Variants in C2CD3 observed in about 807,000 individuals in gnomAD.
C2CD3 encodes C2 domain containing 3 centriole elongation regulator, also known as C2 domain-containing protein 3.
A neutral mutation model predicts 234.0 loss-of-function variants in C2CD3; 148 were observed. That is an observed-to-expected ratio of 0.63 (90% CI 0.55 to 0.72). The LOEUF is 0.72. Among genes scored for constraint, C2CD3 ranks in the 30% least tolerant of loss-of-function variants. C2CD3 has a pLI of 0.00. For missense variants in C2CD3, 2,577 were observed against 2,811.5 expected (o/e 0.92, Z 1.89); for synonymous variants, 1,000 against 1,035.4 (o/e 0.97, Z 0.66).
In C2CD3 at chr11:74,098,510, A is replaced by G. The variant is rs959079901; in HGVS notation, c.2733-255T>C. ...TCTGTAGCATTATGGACCCAAGTCCAGTGTCTGTGATTTGAACAGTATCTC... is the reference window on the plus strand; with the variant it reads ...TCTGTAGCATTATGGACCCAAGTCCGGTGTCTGTGATTTGAACAGTATCTC... On this transcript the variant is annotated intron_variant, in intron 15 of 32. Transcript: ENST00000334126. Among the ~76,000 whole-genome samples the G allele has an allele frequency of 7.2e-5, 11 of 152,348 alleles. No individual in the cohort carries two copies. The East Asian group carries it at 2.1e-3, about 29-fold the overall frequency.
At chr11:74,092,160 C>T (rs1208833165) in intron 19 of C2CD3, among the ~76,000 whole-genome samples, 1 of 151,752 alleles carries the variant, frequency 6.6e-6, no homozygotes, top group East Asian at 1.9e-4. Context: ...TCAAGCAATT[C>T]TTCTGCCTCA....
intron 5 of C2CD3, among the ~76,000 whole-genome samples, chr11:74,137,832 C>T (rs371326143): frequency 2.0e-5 from 3 of 152,062 alleles, no homozygotes; most frequent in East Asian, 1.9e-4. Flanking sequence ...GTGATCTGCC[C>T]GCCTCAGCCT....
intron 32 of C2CD3, among the ~76,000 whole-genome samples, chr11:74,014,220 C>T (rs1024820990): frequency 2.1e-4 from 32 of 152,132 alleles, no homozygotes; most frequent in Non-Finnish European, 3.5e-4. Flanking sequence ...CAAAGCTATA[C>T]AGGAAAGCCA....
chr11:74,018,950 G>A (rs1951978122), intron 32 of C2CD3, among the ~76,000 whole-genome samples: 1 of 152,094 alleles, frequency 6.6e-6, no homozygotes, highest in Admixed American at 6.5e-5. Flanking sequence ...ACTCCAAGAA[G>A]CCTTCCCGGA....
At chr11:74,124,791 CCTTA>C (rs1050939997) in intron 7 of C2CD3, among the ~76,000 whole-genome samples, 2 of 152,002 alleles carry the variant, frequency 1.3e-5, no homozygotes, top group African/African-American at 4.8e-5. Context: ...CTTTGTATAC[CCTTA>C]AAGTTATGAA....
chr11:74,162,602 G>C (rs1432922271), intron 2 of C2CD3, among the ~76,000 whole-genome samples: 1 of 152,114 alleles, frequency 6.6e-6, no homozygotes, highest in Non-Finnish European at 1.5e-5. Flanking sequence ...TCTGGGGGTA[G>C]AGGAGTATGA....
intron 25 of C2CD3, among the ~76,000 whole-genome samples, chr11:74,055,964 C>A (rs1953932830): frequency 6.6e-6 from 1 of 152,220 alleles, no homozygotes; most frequent in Non-Finnish European, 1.5e-5. Context: ...GTCACCTCCA[C>A]TTAGAAGCTC....
intron 24 of C2CD3, among the ~76,000 whole-genome samples, chr11:74,062,435 C>T (rs1354916181): frequency 2.0e-5 from 3 of 152,204 alleles, no homozygotes; most frequent in African/African-American, 7.2e-5. Flanking sequence ...TCTCAGACCA[C>T]AGTGCAATCA....
chr11:74,120,668 G>GT (rs1178505457), intron 8 of C2CD3, among the ~76,000 whole-genome samples: 2 of 152,162 alleles, frequency 1.3e-5, no homozygotes, highest in African/African-American at 4.8e-5. Context: ...GGGTCAAATG[G>GT]TAATTCTAGT....
At chr11:74,067,151 T>C (rs1565249951) in intron 24 of C2CD3, among the ~76,000 whole-genome samples, 1 of 152,166 alleles carries the variant, frequency 6.6e-6, no homozygotes, top group African/African-American at 2.4e-5. Flanking sequence ...ATGACATTAC[T>C]TTTTCAGTCA....
chr11:74,146,240 T>A (rs1855178770), intron 3 of C2CD3, among the ~76,000 whole-genome samples: 1 of 152,276 alleles, frequency 6.6e-6, no homozygotes, highest in African/African-American at 2.4e-5. Context: ...GAATGTTTAG[T>A]GAATGCAGCA....
intron 31 of C2CD3, 32 bp downstream of exon 31, chr11:74,033,319 C>A: frequency 6.6e-7 from 1 of 1,525,886 alleles, no homozygotes; most frequent in Non-Finnish European, 8.8e-7. Flanking sequence ...GTACCTGCAT[C>A]CAAACCACTT....
chr11:74,156,229 G>A (rs577760909), intron 3 of C2CD3, among the ~76,000 whole-genome samples: 5 of 151,614 alleles, frequency 3.3e-5, no homozygotes, highest in East Asian at 2.0e-4. Flanking sequence ...AGCTGAGATC[G>A]CACCACTGCA....
chr11:74,071,604 C>A (rs1049184477), intron 24 of C2CD3, among the ~76,000 whole-genome samples: 4 of 152,146 alleles, frequency 2.6e-5, no homozygotes, highest in African/African-American at 9.7e-5. Context: ...TAATCCTGCT[C>A]GTGGCAAGGA....
chr11:74,049,931 C>A (rs1429684302), intron 26 of C2CD3, among the ~76,000 whole-genome samples: 1 of 152,130 alleles, frequency 6.6e-6, no homozygotes, highest in African/African-American at 2.4e-5. Context: ...TAGGCACACA[C>A]CACCATGCCC....
At chr11:74,112,920 T>G (rs529752212) in intron 11 of C2CD3, among the ~76,000 whole-genome samples, 1 of 152,332 alleles carries the variant, frequency 6.6e-6, no homozygotes, top group South Asian at 2.1e-4. Context: ...AGTTACCATA[T>G]GACCCAGCAA....
At chr11:74,067,281 C>G (rs565867845) in intron 24 of C2CD3, among the ~76,000 whole-genome samples, 1 of 151,914 alleles carries the variant, frequency 6.6e-6, no homozygotes, top group African/African-American at 2.4e-5. Context: ...GAAGGAAGAT[C>G]TAGTGGCGTC....
At position 74,114,408 on chromosome 11, in the gene C2CD3, G is replaced by C. The variant is rs370227049; in HGVS notation, c.1706C>G (p.Pro569Arg). ...PGKKSYAGPP[P>R]KVTTAKKRTF... ...CCGCTTTTTTGCTGTAGTCACCTTA[G>C]GTGGTGGACCAGCATAGCTTTTTTT... Residue 569 changes from proline (P) to arginine (R), a missense_variant, in exon 10 of 33, where the codon CCT (proline) becomes CGT (arginine). By Grantham distance (103) the Pro-to-Arg change is moderately radical. Transcript: ENST00000334126. 20 of 1,613,750 alleles carry C rather than the reference G, an allele frequency of 1.2e-5. No homozygotes were observed. In the African/African-American group the frequency reaches 2.1e-4, roughly 17 times the overall value.
chr11:74,073,649 G>T (rs1954903072), intron 24 of C2CD3, among the ~76,000 whole-genome samples: 1 of 148,348 alleles, frequency 6.7e-6, no homozygotes, highest in South Asian at 2.2e-4. Context: ...TAATTTCAAA[G>T]AAATCATAGT....
Sources: allele counts gnomAD v4.1 joint callset (sites outside exome capture counted in the v4.1 genomes callset), GRCh38; gene constraint gnomAD v4.1.1; transcripts MANE v1.5; gene names NCBI Gene and HGNC (gene_info 2026-07-23, HGNC 2026-07-21).